The following BTD variants were observed in gnomAD, a reference collection of about 807,000 sequenced individuals.
BTD encodes biocytinase.
Under a neutral mutation model 17.7 loss-of-function variants are expected in BTD, and 13 were observed. That is an observed-to-expected ratio of 0.74 (90% CI 0.48 to 1.17). The LOEUF (loss-of-function observed/expected upper bound fraction) is 1.17, where lower values mean the gene tolerates loss of function less well. BTD is among the 50% of genes most tolerant of loss of function. BTD has a pLI of 0.00. For synonymous variants in BTD, 240 were observed against 245.2 expected (o/e 0.98, Z 0.20); for missense variants, 674 against 650.4 (o/e 1.04, Z -0.39).
chr3:15,618,016 C>T (rs965361269), intron 1 of BTD, among the ~76,000 whole-genome samples: 11 of 152,156 alleles, frequency 7.2e-5, no homozygotes, highest in Middle Eastern at 3.2e-3. Flanking sequence ...AATGCAGTGG[C>T]GTGATCATAG....
intron 3 of BTD, chr3:15,696,027 T>TA: frequency 1.2e-6 from 1 of 805,802 alleles, no homozygotes; most frequent in Non-Finnish European, 2.0e-6. Context: ...CTGAAAATGT[T>TA]AAAAAACAAA....
At chr3:15,679,816 T>C (rs2067338401) in intron 3 of BTD, among the ~76,000 whole-genome samples, 1 of 151,932 alleles carries the variant, frequency 6.6e-6, no homozygotes, top group African/African-American at 2.4e-5. Context: ...CATCCATCAA[T>C]TCAACCAACC....
intron 1 of BTD, among the ~76,000 whole-genome samples, chr3:15,615,666 A>G (rs999650339): frequency 2.0e-5 from 3 of 152,132 alleles, no homozygotes; most frequent in African/African-American, 4.8e-5. Flanking sequence ...GTTTACATAT[A>G]CTCCCTGTCC....
intron 3 of BTD, among the ~76,000 whole-genome samples, chr3:15,707,126 T>C (rs1263885023): frequency 6.6e-6 from 1 of 152,234 alleles, no homozygotes; most frequent in Non-Finnish European, 1.5e-5. Flanking sequence ...GTACATTTTA[T>C]AACATCTTTC....
At chr3:15,709,577 A>T (rs2071948703) in intron 3 of BTD, 5 of 836,780 alleles carry the variant, frequency 6.0e-6, no homozygotes, top group Non-Finnish European at 9.5e-6. Flanking sequence ...AAGATGCTAA[A>T]TTGTTCAGTT....
upstream of BTD, chr3:15,601,697 C>A (rs754136061): frequency 6.4e-7 from 1 of 1,558,420 alleles, no homozygotes; most frequent in Non-Finnish European, 8.7e-7. Context: ...GCTCTCTTCT[C>A]GGCTCCTCCA....
downstream of BTD, among the ~76,000 whole-genome samples, chr3:15,658,339 G>T (rs6768250): frequency 0.056 from 8,460 of 152,206 alleles, 675 homozygotes; most frequent in African/African-American, 0.18. Context: ...GCCCCCTGAT[G>T]GCTATTACCT....
intron 1 of BTD, among the ~76,000 whole-genome samples, chr3:15,611,561 G>A (rs891761734): frequency 2.0e-5 from 3 of 152,118 alleles, no homozygotes; most frequent in Non-Finnish European, 2.9e-5. Flanking sequence ...GGTGGAGAAT[G>A]GGAGGGAATG....
At chr3:15,714,299 G>A (rs148921267), downstream of BTD, among the ~76,000 whole-genome samples, 756 of 151,998 alleles carry the variant, frequency 5.0e-3, 7 homozygotes, top group African/African-American at 0.017. Flanking sequence ...ATGGTAGAAA[G>A]TAATTTTCTA....
chr3:15,628,313 T>A (rs185345649), intron 1 of BTD, among the ~76,000 whole-genome samples: 1 of 152,382 alleles, frequency 6.6e-6, no homozygotes, highest in African/African-American at 2.4e-5. Context: ...AGATGTTGTG[T>A]GCACTATACA....
At chr3:15,717,109 CA>C (rs1267809815), downstream of BTD, among the ~76,000 whole-genome samples, 2 of 152,164 alleles carry the variant, frequency 1.3e-5, no homozygotes, top group Non-Finnish European at 2.9e-5. Context: ...TACTAGGTCT[CA>C]TAGCTAATAA....
Position 15,685,386 on chromosome 3 carries a change from T to C in BTD, c.400-24674T>C, listed in dbSNP as rs181485631. ...GCGTCCGGCCCCTGCTATCCCGAAGTAAGCACTTAGCACCATGTTGAAGTA... is the reference window on the plus strand; with the variant it reads ...GCGTCCGGCCCCTGCTATCCCGAAGCAAGCACTTAGCACCATGTTGAAGTA... On this transcript the variant is annotated intron_variant, in intron 3 of 3. Transcript: ENST00000672141. The C allele has an allele frequency of 3.5e-4, 563 of 1,614,020 alleles. 2 individuals are homozygous for C. In the African/African-American group the frequency reaches 5.9e-3, roughly 17 times the overall value.
chr3:15,641,805 A>G, intron 2 of BTD, 103 bp from the exon 3 acceptor site: 2 of 875,668 alleles, frequency 2.3e-6, no homozygotes, highest in Non-Finnish European at 3.7e-6. Flanking sequence ...GCTACAGAGT[A>G]ACTTCCTGAT....
At position 15,645,876 on chromosome 3, in the gene BTD, CA is replaced by C. The variant is rs1209654375; in HGVS notation, c.*389del. 1.7e-5 allele frequency: 3 copies of C among 177,838 alleles called. No homozygotes were observed. Among genetic ancestry groups the C allele is most frequent in the Non-Finnish European group, 3.5e-5 (3 of 85,166 alleles). 11.0% of individuals were successfully genotyped at this position (177,838 alleles called of 1,614,324 possible). ...TTTATCTTGTTGATCAAGTGACACCCAGGACATGTAAATATTTCATAAGCCT... is the reference window on the plus strand; with the variant it reads ...TTTATCTTGTTGATCAAGTGACACCCGGACATGTAAATATTTCATAAGCCT... On this transcript the variant is annotated 3_prime_UTR_variant, in exon 4 of 4. Coordinates refer to ENST00000643237, the MANE Select transcript of BTD (RefSeq NM_001370658.1).
intron 3 of BTD, among the ~76,000 whole-genome samples, chr3:15,675,443 C>T (rs1429071218): frequency 6.6e-6 from 1 of 152,024 alleles, no homozygotes; most frequent in Admixed American, 6.6e-5. Flanking sequence ...TGTTTATATA[C>T]TGAGAGGAAT....
chr3:15,622,582 A>G (rs55973510), intron 1 of BTD, among the ~76,000 whole-genome samples: 3,941 of 152,270 alleles, frequency 0.026, 179 homozygotes, highest in African/African-American at 0.087. Flanking sequence ...TGATGGTGCT[A>G]CTGAATTCAA....
At chr3:15,670,547 G>A in intron 3 of BTD, 1 of 1,613,460 alleles carries the variant, frequency 6.2e-7, no homozygotes, top group Non-Finnish European at 8.5e-7. Context: ...GGCCAAAGCT[G>A]GGGTATAGCC....
intron 3 of BTD, among the ~76,000 whole-genome samples, chr3:15,699,702 T>C (rs940979805): frequency 2.6e-5 from 4 of 152,192 alleles, no homozygotes; most frequent in Non-Finnish European, 4.4e-5. Context: ...CTCACGCCAG[T>C]TAGAATGGCC....
intron 3 of BTD, among the ~76,000 whole-genome samples, chr3:15,708,956 T>C (rs1196147954): frequency 6.6e-6 from 1 of 152,228 alleles, no homozygotes; most frequent in Non-Finnish European, 1.5e-5. Flanking sequence ...GTTTTGCTTA[T>C]ACTGTCATCT....
Sources: gnomAD v4.1 joint callset for allele counts (sites outside exome capture counted in the v4.1 genomes callset) on GRCh38, gnomAD v4.1.1 for gene constraint, MANE v1.5 for transcripts, NCBI Gene and HGNC (gene_info 2026-07-23, HGNC 2026-07-21) for gene names.